The following NME7 variants were observed in gnomAD, a reference collection of about 807,000 sequenced individuals.
NME7 encodes the protein nucleoside diphosphate kinase 7.
NME7 carries 41 observed loss-of-function variants against 49.1 expected under a neutral mutation model. The ratio of observed to expected loss-of-function variants is 0.83; its 90% CI spans 0.65 to 1.08. NME7 has a LOEUF of 1.08. Among genes scored for constraint, NME7 ranks in the 50% least tolerant of loss-of-function variants. NME7 has a pLI of 0.00. For missense variants in NME7, 423 were observed against 463.4 expected, an observed-to-expected ratio of 0.91 and a Z score of 0.80; for synonymous variants, 139 against 150.6, an observed-to-expected ratio of 0.92 and a Z score of 0.56.
intron 10 of NME7, among the ~76,000 whole-genome samples, chr1:169,186,672 C>T (rs1022880577): frequency 6.6e-6 from 1 of 152,030 alleles, no homozygotes; most frequent in Non-Finnish European, 1.5e-5. Context: ...ATTAGTCTGG[C>T]TAGCAGTCTA....
intron 7 of NME7, among the ~76,000 whole-genome samples, chr1:169,254,621 G>T (rs2101852671): frequency 6.7e-6 from 1 of 148,566 alleles, no homozygotes; most frequent in South Asian, 2.2e-4. Context: ...GAATGTGTTT[G>T]CTCTTGCTTT....
chr1:169,359,151 C>T (rs1379980636), intron 1 of NME7, among the ~76,000 whole-genome samples: 3 of 152,112 alleles, frequency 2.0e-5, no homozygotes, highest in African/African-American at 7.2e-5. Context: ...TTGCATATAA[C>T]CTATGCATAT....
At chr1:169,209,719 A>C (rs1410353497) in intron 10 of NME7, among the ~76,000 whole-genome samples, 4 of 152,134 alleles carry the variant, frequency 2.6e-5, no homozygotes, top group Admixed American at 2.0e-4. Flanking sequence ...GTAAATATAA[A>C]CTAGTTAATG....
At chr1:169,347,513 C>A (rs1652991230) in intron 1 of NME7, among the ~76,000 whole-genome samples, 1 of 152,170 alleles carries the variant, frequency 6.6e-6, no homozygotes, top group Non-Finnish European at 1.5e-5. Flanking sequence ...CCTGTGGCAT[C>A]TGTCCATTGT....
intron 10 of NME7, among the ~76,000 whole-genome samples, chr1:169,171,018 C>A (rs1659570601): frequency 6.6e-6 from 1 of 152,082 alleles, no homozygotes; most frequent in Admixed American, 6.6e-5. Flanking sequence ...AAAGTGAGTA[C>A]TAACGTTCTT....
Position 169,306,843 on chromosome 1 carries a change from C to T in NME7, c.389+3127G>A, listed in dbSNP as rs538279821. ...TAGCCTGGGCAACAAAGCGAGACCA[C>T]GTTTTTTAAAAAAACAAAAAGCAAG... On this transcript the variant is annotated intron_variant, in intron 4 of 11. Coordinates refer to ENST00000367811, the MANE Select transcript of NME7 (RefSeq NM_013330.5). Among the ~76,000 whole-genome samples the T allele has an allele frequency of 2.1e-4, 32 of 152,094 alleles. No individual in the cohort carries two copies. The East Asian group carries it at 2.9e-3, about 14-fold the overall frequency.
At chr1:169,265,197 C>T (rs1649283465) in intron 7 of NME7, among the ~76,000 whole-genome samples, 1 of 132,566 alleles carries the variant, frequency 7.5e-6, no homozygotes, top group Non-Finnish European at 1.8e-5. Flanking sequence ...AACCATATCA[C>T]CACATGATAC....
chr1:169,329,913 T>A (rs1652193091), intron 1 of NME7, among the ~76,000 whole-genome samples: 1 of 151,896 alleles, frequency 6.6e-6, no homozygotes. Flanking sequence ...CTCTCAAAGG[T>A]CAAGGATAAA....
chr1:169,205,301 G>A (rs1660643413), intron 10 of NME7, among the ~76,000 whole-genome samples: 2 of 151,992 alleles, frequency 1.3e-5, no homozygotes, highest in Non-Finnish European at 2.9e-5. Context: ...AAAAGAATAA[G>A]GTTCCAGATC....
At chr1:169,135,014 C>CCAAAAA (rs71121725) in intron 11 of NME7, among the ~76,000 whole-genome samples, 1 of 50,388 alleles carries the variant, frequency 2.0e-5, no homozygotes, top group Non-Finnish European at 3.7e-5. Context: ...CCCGTCTCTA[C>CCAAAAA]AAAAAAAAAA....
At chr1:169,346,912 C>T (rs1453398473) in intron 1 of NME7, among the ~76,000 whole-genome samples, 3 of 152,220 alleles carry the variant, frequency 2.0e-5, no homozygotes, top group Non-Finnish European at 4.4e-5. Context: ...AATGGCTTCT[C>T]TTTGCCAGGC....
chr1:169,363,186 C>G (rs192946886), intron 1 of NME7, among the ~76,000 whole-genome samples: 1 of 151,938 alleles, frequency 6.6e-6, no homozygotes, highest in East Asian at 1.9e-4. Context: ...CTGCAGTGAG[C>G]CATGATCTCA....
chr1:169,308,428 A>G lies in NME7; in HGVS notation c.389+1542T>C, dbSNP rs1193771224. On this transcript the variant is annotated intron_variant, in intron 4 of 11. Transcript: ENST00000367811. ...AACAAACAAAAACTAGTGGAGAAAC[A>G]TAAGAACACTATTGGAGCCAGATCT... 2.0e-5 allele frequency among the ~76,000 whole-genome samples: 3 copies of G among 152,214 alleles called. 1 individual carries two copies. Among genetic ancestry groups the G allele is most frequent in the African/African-American group, 7.2e-5 (3 of 41,472 alleles).
chr1:169,182,364 T>C (rs1659953862), intron 10 of NME7, among the ~76,000 whole-genome samples: 1 of 151,878 alleles, frequency 6.6e-6, no homozygotes, highest in South Asian at 2.1e-4. Context: ...CTCATTGTCT[T>C]CCTCCCAAAA....
At chr1:169,365,930 G>A (rs1653834834) in intron 1 of NME7, among the ~76,000 whole-genome samples, 1 of 152,144 alleles carries the variant, frequency 6.6e-6, no homozygotes, top group South Asian at 2.1e-4. Flanking sequence ...ATTTAACTTG[G>A]TGAAAATAGG....
intron 11 of NME7, among the ~76,000 whole-genome samples, chr1:169,136,370 G>A (rs988678495): frequency 6.6e-6 from 1 of 152,202 alleles, no homozygotes; most frequent in African/African-American, 2.4e-5. Context: ...AAACATAATA[G>A]ATGGAGAAGT....
intron 10 of NME7, among the ~76,000 whole-genome samples, chr1:169,225,142 T>A (rs993942424): frequency 6.6e-6 from 1 of 152,190 alleles, no homozygotes; most frequent in Non-Finnish European, 1.5e-5. Flanking sequence ...AGAGTATCAC[T>A]TTTTTGTCCA....
At chr1:169,363,992 T>C (rs1230110144) in intron 1 of NME7, among the ~76,000 whole-genome samples, 1 of 152,168 alleles carries the variant, frequency 6.6e-6, no homozygotes, top group African/African-American at 2.4e-5. Flanking sequence ...ATTGCACAGG[T>C]CATAGAATTC....
intron 10 of NME7, among the ~76,000 whole-genome samples, chr1:169,230,170 C>T (rs980936134): frequency 1.3e-5 from 2 of 152,046 alleles, no homozygotes; most frequent in African/African-American, 4.8e-5. Context: ...CGTTCTAATG[C>T]TACTTCTACT....
Sources: allele counts gnomAD v4.1 joint callset (sites outside exome capture counted in the v4.1 genomes callset), GRCh38; gene constraint gnomAD v4.1.1; transcripts MANE v1.5; gene names NCBI Gene and HGNC (gene_info 2026-07-23, HGNC 2026-07-21).